RDX: variants seen among roughly 807,000 people sequenced by gnomAD.
RDX encodes radixin.
Under a neutral mutation model 83.7 loss-of-function variants are expected in RDX, and 32 were observed. That is an observed-to-expected ratio of 0.38 (90% CI 0.29 to 0.51). The LOEUF is 0.51. Ranked by LOEUF, RDX falls within the 20% of genes least tolerant of loss-of-function variation. The pLI is 0.87. For synonymous variants in RDX, 229 were observed against 222.7 expected (o/e 1.03, Z -0.25); for missense variants, 600 against 689.9 (o/e 0.87, Z 1.46).
intron 2 of RDX, among the ~76,000 whole-genome samples, chr11:110,275,208 CT>C (rs1237309662): frequency 1.3e-5 from 2 of 152,134 alleles, no homozygotes; most frequent in Non-Finnish European, 2.9e-5. Context: ...AAGATGGCCC[CT>C]GGTGTCATGC....
intron 1 of RDX, among the ~76,000 whole-genome samples, chr11:110,290,261 A>C (rs185915179): frequency 5.9e-5 from 9 of 152,270 alleles, no homozygotes; most frequent in African/African-American, 2.2e-4. Context: ...GTGGTGGCTC[A>C]CGCCTGTAAT....
At chr11:110,279,370 AC>A (rs1860658856) in intron 2 of RDX, among the ~76,000 whole-genome samples, 1 of 152,186 alleles carries the variant, frequency 6.6e-6, no homozygotes, top group African/African-American at 2.4e-5. Flanking sequence ...TACCAGAAAT[AC>A]AAAAATTAGC....
chr11:110,258,252 A>G, intron 5 of RDX, 63 bp from the exon 6 acceptor site: 2 of 1,081,652 alleles, frequency 1.8e-6, no homozygotes, highest in Non-Finnish European at 2.7e-6. Flanking sequence ...ATACACTTTA[A>G]AAGTAAAGAA....
chr11:110,239,211 C>A (rs12575178), intron 10 of RDX, among the ~76,000 whole-genome samples: 151,232 of 151,234 alleles, frequency 1, 75,615 homozygotes, highest in Middle Eastern at 1. Flanking sequence ...TTCCATTTAC[C>A]ATAGCCAAAA....
At chr11:110,220,547 CTT>C (rs1039758108) in intron 14 of RDX, among the ~76,000 whole-genome samples, 2 of 152,084 alleles carry the variant, frequency 1.3e-5, no homozygotes, top group East Asian at 1.9e-4. Context: ...GAGTTTTGCT[CTT>C]GTCACCCAAA....
chr11:110,277,622 C>T lies in RDX; in HGVS notation c.12+2059G>A, dbSNP rs578232532. 5.3e-5 allele frequency among the ~76,000 whole-genome samples: 8 copies of T among 151,852 alleles called. 1 individual carries two copies. The South Asian group carries it at 1.7e-3, about 32-fold the overall frequency. On this transcript the variant is annotated intron_variant, in intron 2 of 13. Transcript: ENST00000645495. ...GGCGTGATTTACCATGCCCGGCCTA[C>T]CAGTCTTTAATATAGCTTCTTTTGT... is the stretch of plus-strand genomic sequence containing the variant.
chr11:110,182,429 C>T (rs540131167), intron 15 of RDX, among the ~76,000 whole-genome samples: 17 of 152,126 alleles, frequency 1.1e-4, no homozygotes, highest in Admixed American at 2.6e-4. Flanking sequence ...GGCAAAACCC[C>T]GTCTCTACTG....
chr11:110,182,705 T>C (rs1212563056), intron 15 of RDX, among the ~76,000 whole-genome samples: 1 of 152,236 alleles, frequency 6.6e-6, no homozygotes, highest in Non-Finnish European at 1.5e-5. Context: ...TCAGAACTTG[T>C]ACCAAGTCTC....
chr11:110,180,052 C>T (rs1451123183), intron 15 of RDX: 2 of 292,808 alleles, frequency 6.8e-6, no homozygotes, highest in Non-Finnish European at 1.4e-5. Flanking sequence ...CAGACAGGCA[C>T]CACCACGCCT....
chr11:110,247,608 T>C, intron 10 of RDX, 95 bp downstream of exon 10: 1 of 1,275,166 alleles, frequency 7.8e-7, no homozygotes, highest in East Asian at 2.3e-5. Flanking sequence ...TTGTCCTATA[T>C]AACAAATAAG....
At chr11:110,295,806 G>A (rs1248625561) in intron 1 of RDX, among the ~76,000 whole-genome samples, 2 of 152,210 alleles carry the variant, frequency 1.3e-5, no homozygotes, top group East Asian at 3.9e-4. Flanking sequence ...AAGTTACAGG[G>A]CTCCGAGAGC....
intron 7 of RDX, 70 bp downstream of exon 7, chr11:110,257,697 C>T (rs1859599385): frequency 6.6e-7 from 1 of 1,505,198 alleles, no homozygotes. Flanking sequence ...CTTTGAAAAA[C>T]AGGACATAAG....
At chr11:110,264,665 T>G (rs1859948287) in intron 4 of RDX, 114 bp downstream of exon 4, 2 of 704,216 alleles carry the variant, frequency 2.8e-6, no homozygotes, top group African/African-American at 1.8e-5. Flanking sequence ...TCATAATGAT[T>G]AACAGATAAC....
intron 15 of RDX, among the ~76,000 whole-genome samples, chr11:110,177,518 G>A (rs553668940): frequency 3.3e-5 from 5 of 152,292 alleles, no homozygotes; most frequent in African/African-American, 1.2e-4. Context: ...CCTCCCAGAG[G>A]ACATATGCAG....
Position 110,230,660 on chromosome 11 carries a change from C to T in RDX, c.*1209G>A, listed in dbSNP as rs1864598256. ...CTTGCTCAGCCATACAACACCCCTC[C>T]AGGATGATAGTATACCAGTGAGGAG... On this transcript the variant is annotated 3_prime_UTR_variant, in exon 14 of 14. Transcript: ENST00000645495. The T allele has an allele frequency of 6.6e-6, 1 of 152,350 alleles. No individual in the cohort carries two copies. Among genetic ancestry groups the T allele is most frequent in the South Asian group, 2.1e-4 (1 of 4,812 alleles). 9.4% of individuals were successfully genotyped at this position (152,350 alleles called of 1,614,324 possible).
Position 110,215,293 on chromosome 11 carries a change from G to A in RDX, c.1749-15615C>T, listed in dbSNP as rs540169748. 5.3e-5 allele frequency among the ~76,000 whole-genome samples: 8 copies of A among 150,428 alleles called. No individual in the cohort carries two copies. The South Asian group carries it at 1.5e-3, about 27-fold the overall frequency. On this transcript the variant is annotated intron_variant, in intron 14 of 15. Coordinates refer to the RDX transcript ENST00000528498. ...CAGGAGAATGGCATGAACCCGGGAG[G>A]CAGAGGTTGCAGTGAGCTGAGATCG...
rs1275281706 is a variant in RDX at position 110,229,670 on chromosome 11, G to A, written c.*2199C>T. On this transcript the variant is annotated 3_prime_UTR_variant, in exon 14 of 14. Coordinates refer to ENST00000645495, the MANE Select transcript of RDX (RefSeq NM_002906.4). ...CTCTAAGAAATCCATATTGCAAATG[G>A]TTCTTGTTTAGAAAAATTCACACAG... 2.0e-5 allele frequency: 3 copies of A among 152,426 alleles called. No individual in the cohort carries two copies. The highest frequency in any genetic ancestry group is 4.4e-5 in the Non-Finnish European group (3 of 67,908). The allele number at this position is 152,426 out of a possible 1,614,324, so 9.4% of individuals were successfully genotyped here.
In RDX at chr11:110,231,533, A is replaced by C; in HGVS notation, c.*336T>G. On this transcript the variant is annotated 3_prime_UTR_variant, in exon 14 of 14. Transcript: ENST00000645495. ...AAAATGTTCACCATTATCCTTTAAAATGTACACAGAACTGAAACCACACAT... is the reference window on the plus strand; with the variant it reads ...AAAATGTTCACCATTATCCTTTAAACTGTACACAGAACTGAAACCACACAT... 1 of 323,476 alleles carries C rather than the reference A, an allele frequency of 3.1e-6. No homozygotes were observed. 20.0% of individuals were successfully genotyped at this position (323,476 alleles called of 1,614,324 possible).
At position 110,277,868 on chromosome 11, in the gene RDX, G is replaced by A. The variant is rs117704398; in HGVS notation, c.12+1813C>T. Among the ~76,000 whole-genome samples, 39 of 151,896 alleles carry A rather than the reference G, an allele frequency of 2.6e-4. No individual in the cohort carries two copies. In the East Asian group the frequency reaches 5.6e-3, roughly 22 times the overall value. On this transcript the variant is annotated intron_variant, in intron 2 of 13. Transcript: ENST00000645495. ...TCTGTGTATTACATAACAAATTTTC[G>A]CCTACTCTAAGATCACAAAAATTTT...
Sources: allele counts gnomAD v4.1 joint callset (sites outside exome capture counted in the v4.1 genomes callset), GRCh38; gene constraint gnomAD v4.1.1; transcripts MANE v1.5; gene names NCBI Gene and HGNC (gene_info 2026-07-23, HGNC 2026-07-21).